The following SH3BP5 variants were observed in gnomAD, a reference collection of about 807,000 sequenced individuals.
The protein encoded by SH3BP5 is SH3 domain-binding protein 5.
In SH3BP5, 22 loss-of-function variants were observed where a neutral mutation model predicts 43.3. The observed-to-expected ratio is 0.51, with a 90% confidence interval of 0.36 to 0.73. The LOEUF is 0.73. Ranked by LOEUF, SH3BP5 falls within the 30% of genes least tolerant of loss-of-function variation. The pLI, the probability that SH3BP5 is intolerant of heterozygous loss-of-function variation, is 0.00. For synonymous variants in SH3BP5, 255 were observed against 225.8 expected, an observed-to-expected ratio of 1.13 and a Z score of -1.16; for missense variants, 529 against 586.9, an observed-to-expected ratio of 0.90 and a Z score of 1.02.
chr3:15,259,782 T>C lies in SH3BP5; in HGVS notation c.648A>G (p.Ala216=), dbSNP rs1331973296. The change falls in exon 6 of 9, where the codon GCA becomes GCG. Residue 216 remains alanine, a synonymous_variant. Coordinates refer to ENST00000383791, the MANE Select transcript of SH3BP5 (RefSeq NM_004844.5). ...ATACCTCGAGCTGCACATAGTACTT[T>C]GCCTTGAGTTCAAAATAAGGCCTGC... ...NKSKPYFELK[A]KYYVQLEQLK... 1 of 1,614,208 alleles carries C rather than the reference T, an allele frequency of 6.2e-7. No individual in the cohort carries two copies. The highest frequency in any genetic ancestry group is 8.5e-7 in the Non-Finnish European group (1 of 1,180,020).
intron 3 of SH3BP5, among the ~76,000 whole-genome samples, chr3:15,291,752 T>C (rs1697419046): frequency 6.6e-6 from 1 of 152,198 alleles, no homozygotes; most frequent in African/African-American, 2.4e-5. Context: ...GGAAGCAGGG[T>C]ATTCCAAGCT....
intron 3 of SH3BP5, among the ~76,000 whole-genome samples, chr3:15,283,965 G>A (rs1013767354): frequency 1.3e-5 from 2 of 152,202 alleles, no homozygotes; most frequent in Non-Finnish European, 2.9e-5. Context: ...AACTGGTGAA[G>A]GCACTGGTCC....
chr3:15,287,153 T>C (rs150839638), intron 3 of SH3BP5, among the ~76,000 whole-genome samples: 168 of 152,266 alleles, frequency 1.1e-3, no homozygotes, highest in Non-Finnish European at 1.4e-3. Context: ...TTAATACATA[T>C]AAAGTGCAGA....
At chr3:15,293,761 C>T (rs568711175) in intron 3 of SH3BP5, among the ~76,000 whole-genome samples, 2 of 152,234 alleles carry the variant, frequency 1.3e-5, no homozygotes, top group South Asian at 4.1e-4. Flanking sequence ...AGTGATTATT[C>T]CCCCTCAGTA....
chr3:15,315,092 C>T (rs974787715), intron 2 of SH3BP5, among the ~76,000 whole-genome samples: 5 of 152,088 alleles, frequency 3.3e-5, no homozygotes, highest in Non-Finnish European at 7.4e-5. Context: ...TGATTCTAAT[C>T]CTGTGACAAC....
At chr3:15,276,707 G>A (rs1696980744) in intron 3 of SH3BP5, among the ~76,000 whole-genome samples, 1 of 152,176 alleles carries the variant, frequency 6.6e-6, no homozygotes, top group African/African-American at 2.4e-5. Flanking sequence ...TCCAAGTCAG[G>A]AAGAGAGCTC....
chr3:15,309,782 T>C (rs1373965821), intron 2 of SH3BP5, among the ~76,000 whole-genome samples: 1 of 152,068 alleles, frequency 6.6e-6, no homozygotes, highest in Admixed American at 6.6e-5. Context: ...GACATCAGCG[T>C]TTCCTTCTAT....
chr3:15,285,525 C>T (rs1393696650), intron 3 of SH3BP5, among the ~76,000 whole-genome samples: 2 of 152,190 alleles, frequency 1.3e-5, no homozygotes, highest in Non-Finnish European at 2.9e-5. Flanking sequence ...CTTCTTTTGT[C>T]AGTTTGCCAC....
intron 8 of SH3BP5, 89 bp downstream of exon 8, chr3:15,256,764 T>C: frequency 7.1e-7 from 1 of 1,418,406 alleles, no homozygotes; most frequent in Non-Finnish European, 9.5e-7. Context: ...ATGGGGGCCC[T>C]GAGACCTGGC....
chr3:15,255,886 C>G lies in SH3BP5; in HGVS notation c.*200G>C. 1 of 580,932 alleles carries G rather than the reference C, an allele frequency of 1.7e-6. No individual in the cohort carries two copies. The highest frequency in any genetic ancestry group is 3.1e-6 in the Non-Finnish European group (1 of 326,584). The allele number at this position is 580,932 out of a possible 1,614,324, so 36.0% of individuals were successfully genotyped here. ...GAACCTAGTCACAGTCTACCCACAA[C>G]AAGAACTCTGCTCTGAAAAACCAGC... On this transcript the variant is annotated 3_prime_UTR_variant, in exon 9 of 9. Transcript: ENST00000383791.
intron 2 of SH3BP5, 188 bp from the exon 3 acceptor site, chr3:15,304,419 C>A: frequency 2.4e-6 from 2 of 844,884 alleles, no homozygotes; most frequent in Non-Finnish European, 3.8e-6. Context: ...GCGGAAACGT[C>A]CTGTGCTCTG....
chr3:15,299,353 T>C (rs987063054), intron 3 of SH3BP5, among the ~76,000 whole-genome samples: 3 of 152,148 alleles, frequency 2.0e-5, no homozygotes, highest in Admixed American at 6.5e-5. Context: ...TTGGCAGAAA[T>C]TGGACTTGGT....
At chr3:15,301,865 C>G (rs917522541) in intron 3 of SH3BP5, among the ~76,000 whole-genome samples, 1 of 151,900 alleles carries the variant, frequency 6.6e-6, no homozygotes, top group Non-Finnish European at 1.5e-5. Context: ...AGCTCAGGGA[C>G]CAGACAAGGA....
intron 4 of SH3BP5, among the ~76,000 whole-genome samples, chr3:15,265,512 T>TCTCACTCTCACACACACACACA (rs1318765546): frequency 9.3e-6 from 1 of 107,934 alleles, no homozygotes; most frequent in African/African-American, 4.2e-5. Flanking sequence ...CGAGACTCCG[T>TCTCACTCTCACACACACACACA]CACACACACA....
chr3:15,273,230 G>A (rs1575296084), intron 3 of SH3BP5: 1 of 985,192 alleles, frequency 1.0e-6, no homozygotes, highest in East Asian at 1.1e-4. Flanking sequence ...AACATTTAAG[G>A]GTAAACTCTC....
chr3:15,285,670 G>C (rs753370604), intron 3 of SH3BP5, among the ~76,000 whole-genome samples: 7 of 152,208 alleles, frequency 4.6e-5, no homozygotes, highest in Non-Finnish European at 8.8e-5. Context: ...TGAAGGCACC[G>C]TGAGTCCTCA....
chr3:15,296,688 T>C (rs1273085408), intron 3 of SH3BP5, among the ~76,000 whole-genome samples: 1 of 139,382 alleles, frequency 7.2e-6, no homozygotes, highest in Non-Finnish European at 1.5e-5. Context: ...TTACGAAGTG[T>C]TTTTCCTTTT....
At chr3:15,333,079 C>A (rs1004415962), upstream of SH3BP5, 1 of 985,378 alleles carries the variant, frequency 1.0e-6, no homozygotes, top group African/African-American at 1.7e-5. Flanking sequence ...AGAGGTGCGG[C>A]GGTCCTACCT....
intron 3 of SH3BP5, among the ~76,000 whole-genome samples, chr3:15,301,306 T>C (rs1697745568): frequency 6.6e-6 from 1 of 152,040 alleles, no homozygotes; most frequent in South Asian, 2.1e-4. Context: ...GCTCATGACT[T>C]CAAGGGAGGG....
Sources: allele counts gnomAD v4.1 joint callset (sites outside exome capture counted in the v4.1 genomes callset), GRCh38; gene constraint gnomAD v4.1.1; transcripts MANE v1.5; gene names NCBI Gene and HGNC (gene_info 2026-07-23, HGNC 2026-07-21).